The following CHM variants were observed in gnomAD, a reference collection of about 807,000 sequenced individuals.
The protein encoded by CHM is CHM Rab escort protein.
In CHM, 10 loss-of-function variants were observed where a neutral mutation model predicts 49.0. The ratio of observed to expected loss-of-function variants is 0.20; its 90% CI spans 0.13 to 0.35. CHM has a LOEUF of 0.35. CHM is among the 10% of genes least tolerant of loss of function. The pLI is 1.00. For synonymous variants in CHM, 184 were observed against 167.5 expected (o/e 1.10, Z -0.76); for missense variants, 455 against 478.4 (o/e 0.95, Z 0.46).
intron 2 of CHM, among the ~76,000 whole-genome samples, chrX:86,015,631 T>C (rs1411942018): frequency 1.8e-5 from 2 of 111,924 alleles, no homozygotes; most frequent in African/African-American, 6.5e-5. Flanking sequence ...AGCCTGATAG[T>C]GATATGGACA....
intron 12 of CHM, among the ~76,000 whole-genome samples, chrX:85,890,616 C>T (rs989271570): frequency 1.4e-4 from 16 of 112,080 alleles, no homozygotes; most frequent in Non-Finnish European, 2.6e-4. Context: ...TAAGAAGTGC[C>T]TTTTGCCTCC....
chrX:85,909,736 AAAAC>A (rs769671149), intron 9 of CHM, among the ~76,000 whole-genome samples: 6 of 112,232 alleles, frequency 5.3e-5, no homozygotes, highest in Admixed American at 9.5e-5. Context: ...ATACCTTTAA[AAAAC>A]AAACAAACAA....
At chrX:85,887,340 C>T (rs1925146997) in intron 12 of CHM, among the ~76,000 whole-genome samples, 1 of 111,501 alleles carries the variant, frequency 9.0e-6, no homozygotes, top group African/African-American at 3.3e-5. Flanking sequence ...AGCTCTCTCT[C>T]TTTGCCTGCT....
intron 14 of CHM, among the ~76,000 whole-genome samples, chrX:85,868,137 T>C (rs1211230231): frequency 2.7e-5 from 3 of 110,781 alleles, no homozygotes; most frequent in African/African-American, 9.9e-5. Context: ...TAAATGAACC[T>C]GGAGGACATT....
intron 8 of CHM, among the ~76,000 whole-genome samples, chrX:85,918,731 T>C (rs1295687252): frequency 1.8e-5 from 2 of 111,750 alleles, no homozygotes; most frequent in Non-Finnish European, 3.8e-5. Context: ...ATGGAAATGC[T>C]ATTCTTATTT....
chrX:85,946,975 T>A (rs184821533), intron 8 of CHM, among the ~76,000 whole-genome samples: 3 of 112,122 alleles, frequency 2.7e-5, no homozygotes, highest in Non-Finnish European at 5.6e-5. Context: ...TTTTGGACAA[T>A]CTCTCCCTTT....
At chrX:86,009,263 C>G (rs1203283770) in intron 2 of CHM, among the ~76,000 whole-genome samples, 2 of 112,526 alleles carry the variant, frequency 1.8e-5, no homozygotes, top group Non-Finnish European at 3.8e-5. Context: ...TGATATACAT[C>G]TGGCAAGATG....
Position 85,894,291 on chromosome X carries a change from A to T in CHM, c.1414-7T>A. 1 of 1,178,186 alleles carries T rather than the reference A, an allele frequency of 8.5e-7. No individual in the cohort carries two copies. The highest frequency in any genetic ancestry group is 1.2e-6 in the Non-Finnish European group (1 of 865,216). ...GCACTGTCAAAATGGAAATCTAAAAAGCAAAAATAAAGTATCAGACACAGC... is the reference window on the plus strand; with the variant it reads ...GCACTGTCAAAATGGAAATCTAAAATGCAAAAATAAAGTATCAGACACAGC... On this transcript the variant is annotated splice_region_variant and splice_polypyrimidine_tract_variant and intron_variant, in intron 11 of 14. Coordinates refer to ENST00000357749, the MANE Select transcript of CHM (RefSeq NM_000390.4).
At chrX:85,999,456 C>T (rs1932596970) in intron 2 of CHM, among the ~76,000 whole-genome samples, 1 of 110,434 alleles carries the variant, frequency 9.1e-6, no homozygotes, top group Admixed American at 9.7e-5. Flanking sequence ...TATAACAGAA[C>T]ATGAAGACTG....
At chrX:85,941,555 G>A (rs1280581000) in intron 8 of CHM, among the ~76,000 whole-genome samples, 2 of 110,957 alleles carry the variant, frequency 1.8e-5, no homozygotes, top group Admixed American at 9.7e-5. Flanking sequence ...TCTTAATACT[G>A]GGGTTTTTTA....
At chrX:85,977,980 A>G (rs1931372813) in intron 4 of CHM, among the ~76,000 whole-genome samples, 1 of 112,076 alleles carries the variant, frequency 8.9e-6, no homozygotes, top group African/African-American at 3.2e-5. Flanking sequence ...GCGTATCCTG[A>G]AGAATCTCTG....
intron 8 of CHM, among the ~76,000 whole-genome samples, chrX:85,926,766 C>T (rs1342072480): frequency 9.0e-6 from 1 of 110,815 alleles, no homozygotes; most frequent in East Asian, 2.8e-4. Flanking sequence ...GCACTCTGGC[C>T]TCATTTGTAA....
At chrX:85,924,930 C>T (rs920058288) in intron 8 of CHM, among the ~76,000 whole-genome samples, 3 of 111,885 alleles carry the variant, frequency 2.7e-5, no homozygotes, top group Non-Finnish European at 5.6e-5. Flanking sequence ...AAATCTTAGC[C>T]ATTTATCTAG....
intron 9 of CHM, among the ~76,000 whole-genome samples, chrX:85,910,992 C>CT (rs1363515684): frequency 1.0e-5 from 1 of 96,431 alleles, no homozygotes; most frequent in Non-Finnish European, 2.1e-5. Flanking sequence ...TATTCTTGTT[C>CT]TGGAGGACCT....
At chrX:86,038,665 A>G (rs1270242949) in intron 1 of CHM, among the ~76,000 whole-genome samples, 1 of 112,198 alleles carries the variant, frequency 8.9e-6, no homozygotes, top group Non-Finnish European at 1.9e-5. Flanking sequence ...GTAATCTCTG[A>G]TCCCATTTCT....
Position 86,020,499 on chromosome X carries a change from C to CAT in CHM, c.116+6990_116+6991dup, listed in dbSNP as rs749039451. 4.4e-3 allele frequency among the ~76,000 whole-genome samples: 458 copies of CAT among 104,930 alleles called. 1 individual carries two copies. The highest frequency in any genetic ancestry group is 7.4e-3 in the African/African-American group (216 of 29,129). 91.1% of individuals were successfully genotyped at this position (104,930 alleles called of 115,157 possible). Reference sequence around the variant, plus strand: ...GCTAGTAAGTATACTGCAAATATTACATATATATATATATACATAGCAAAT... The same window carrying CAT: ...GCTAGTAAGTATACTGCAAATATTACATATATATATATATATACATAGCAAAT... On this transcript the variant is annotated intron_variant, in intron 2 of 14. Coordinates refer to ENST00000357749, the MANE Select transcript of CHM (RefSeq NM_000390.4).
intron 2 of CHM, among the ~76,000 whole-genome samples, chrX:85,982,477 T>A (rs1263913490): frequency 8.9e-6 from 1 of 112,419 alleles, no homozygotes; most frequent in African/African-American, 3.2e-5. Context: ...GAGCTATTAT[T>A]CTTCATTACT....
At chrX:85,885,767 T>C (rs1277455474) in intron 12 of CHM, among the ~76,000 whole-genome samples, 3 of 110,911 alleles carry the variant, frequency 2.7e-5, no homozygotes, top group African/African-American at 9.8e-5. Context: ...CATCAAGTTT[T>C]AGGGCAAGGG....
chrX:85,907,195 G>A (rs1206924019), intron 9 of CHM, among the ~76,000 whole-genome samples: 1 of 112,130 alleles, frequency 8.9e-6, no homozygotes, highest in Non-Finnish European at 1.9e-5. Context: ...ATATATTCCT[G>A]ACATCAGAAA....
Sources: gnomAD v4.1 joint callset for allele counts (sites outside exome capture counted in the v4.1 genomes callset) on GRCh38, gnomAD v4.1.1 for gene constraint, MANE v1.5 for transcripts, NCBI Gene and HGNC (gene_info 2026-07-23, HGNC 2026-07-21) for gene names.